Variants in COL28A1 observed in about 807,000 individuals in gnomAD.
The protein encoded by COL28A1 is collagen type XXVIII alpha 1 chain.
Under a neutral mutation model 150.2 loss-of-function variants are expected in COL28A1, and 161 were observed. That is an observed-to-expected ratio of 1.07 (90% CI 0.94 to 1.22). COL28A1 has a LOEUF of 1.22. Among genes scored for constraint, COL28A1 ranks in the 50% most tolerant of loss-of-function variants. COL28A1 has a pLI of 0.00. For synonymous variants in COL28A1, 552 were observed against 469.7 expected, an observed-to-expected ratio of 1.18 and a Z score of -2.26; for missense variants, 1,617 against 1,388.3, an observed-to-expected ratio of 1.16 and a Z score of -2.62.
the COL28A1 span, among the ~76,000 whole-genome samples, chr7:7,350,056 G>T: frequency 2.0e-5 from 3 of 152,192 alleles, no homozygotes; most frequent in South Asian, 6.2e-4. Flanking sequence ...TTATCTTAAA[G>T]AATATGGAGG....
At chr7:7,356,077 G>C (rs563747338), downstream of COL28A1, 1 of 151,994 alleles carries the variant, frequency 6.6e-6, no homozygotes, top group Non-Finnish European at 1.5e-5. Context: ...GTTTTTTAAA[G>C]CTCAAAAAAG....
chr7:7,449,658 G>C (rs1786530716), intron 18 of COL28A1, among the ~76,000 whole-genome samples: 1 of 151,604 alleles, frequency 6.6e-6, no homozygotes, highest in South Asian at 2.1e-4. Flanking sequence ...AGGGTGGCTG[G>C]ATACAAAATC....
chr7:7,414,146 T>A (rs563414566), intron 27 of COL28A1, among the ~76,000 whole-genome samples: 6 of 152,154 alleles, frequency 3.9e-5, no homozygotes, highest in African/African-American at 1.4e-4. Flanking sequence ...TCTGATCACA[T>A]CCCTCCTGGC....
At position 7,373,108 on chromosome 7, in the gene COL28A1, C is replaced by T. The variant is rs1161062670; in HGVS notation, c.2798G>A (p.Gly933Glu). ...SDTNVEIFVI[G>E]VVKKNDPNFE... ...GTTGGGATCATTTTTCTTCACCACC[C>T]CTATCACAAATATCTCCACATTGGT... Residue 933 changes from glycine to glutamate, a missense_variant, in exon 32 of 35, where the codon GGG becomes GAG. Transcript: ENST00000399429. The surrounding 1 kb of genome is among the most constrained non-coding windows in gnomAD (Gnocchi z 4.1). 1.9e-6 allele frequency: 3 copies of T among 1,614,126 alleles called. No individual in the cohort carries two copies. Among genetic ancestry groups the T allele is most frequent in the Non-Finnish European group, 2.5e-6 (3 of 1,179,978 alleles).
upstream of COL28A1, among the ~76,000 whole-genome samples, chr7:7,539,985 T>C (rs1782756851): frequency 6.6e-6 from 1 of 152,208 alleles, no homozygotes; most frequent in Non-Finnish European, 1.5e-5. Context: ...TATTAATCTC[T>C]TTCTCTAAAA....
rs1784298998 is a variant in COL28A1 at position 7,419,884 on chromosome 7, C to T, written c.2067+1G>A. 1 of 1,594,858 alleles carries T rather than the reference C, an allele frequency of 6.3e-7. No individual in the cohort carries two copies. Among genetic ancestry groups the T allele is most frequent in the South Asian group, 1.1e-5 (1 of 87,622 alleles). Reference sequence around the variant, plus strand: ...CACAAAGCACTGAGCTGAGGACTCACCTTTGGCCCTTGGGTTCCTACGCCC... The same window carrying T: ...CACAAAGCACTGAGCTGAGGACTCATCTTTGGCCCTTGGGTTCCTACGCCC... On this transcript the variant is annotated splice_donor_variant, in intron 26 of 34. Coordinates refer to ENST00000399429, the MANE Select transcript of COL28A1 (RefSeq NM_001037763.3). LOFTEE classifies it high-confidence loss of function.
At chr7:7,504,904 A>T (rs968982344) in intron 11 of COL28A1, among the ~76,000 whole-genome samples, 4 of 152,212 alleles carry the variant, frequency 2.6e-5, no homozygotes, top group African/African-American at 9.6e-5. Context: ...GGTCTGTCAA[A>T]ATATATATTT....
At chr7:7,351,252 CAGG>C (rs980785256), downstream of COL28A1, among the ~76,000 whole-genome samples, 7 of 152,116 alleles carry the variant, frequency 4.6e-5, no homozygotes, top group African/African-American at 1.7e-4. Context: ...GCCATGGAAA[CAGG>C]AGAAGCTGCA....
Position 7,400,981 on chromosome 7 carries a change from T to G in COL28A1, c.2136+16878A>C, listed in dbSNP as rs867998016. ...TAGGACGTGTGGGTATTTGGGTGTG[T>G]GTGTGTGTGTGTGTGTGTGTGTGTG... is the stretch of plus-strand genomic sequence containing the variant. On this transcript the variant is annotated intron_variant, in intron 27 of 34. Coordinates refer to ENST00000399429, the MANE Select transcript of COL28A1 (RefSeq NM_001037763.3). Among the ~76,000 whole-genome samples the G allele has an allele frequency of 1.6e-3, 186 of 114,268 alleles. 1 individual carries two copies. Among genetic ancestry groups the G allele is most frequent in the African/African-American group, 6.3e-3 (156 of 24,756 alleles). The allele number at this position is 114,268 out of a possible 152,430, so 75.0% of individuals were successfully genotyped here.
At chr7:7,483,015 C>A (rs368584398) in intron 13 of COL28A1, among the ~76,000 whole-genome samples, 7 of 152,288 alleles carry the variant, frequency 4.6e-5, no homozygotes, top group African/African-American at 1.7e-4. Context: ...AGAATTATAA[C>A]TGAGAGACTG....
chr7:7,405,516 T>A (rs1238325717), intron 27 of COL28A1, among the ~76,000 whole-genome samples: 1 of 152,192 alleles, frequency 6.6e-6, no homozygotes, highest in African/African-American at 2.4e-5. Context: ...TATTTTCTGC[T>A]TTGAAATTTA....
chr7:7,524,155 T>A, intron 4 of COL28A1, 74 bp downstream of exon 4: 1 of 850,152 alleles, frequency 1.2e-6, no homozygotes, highest in Admixed American at 1.8e-5. Context: ...AATCTTCTAA[T>A]GTGAATTATA....
chr7:7,486,651 AG>A (rs1228259549), intron 13 of COL28A1, among the ~76,000 whole-genome samples: 3 of 152,188 alleles, frequency 2.0e-5, no homozygotes, highest in Admixed American at 6.5e-5. Flanking sequence ...AGCGTTTATT[AG>A]GGTTTTGAGT....
intron 11 of COL28A1, among the ~76,000 whole-genome samples, chr7:7,501,495 A>G (rs1279512170): frequency 1.3e-5 from 2 of 152,118 alleles, no homozygotes; most frequent in African/African-American, 2.4e-5. Context: ...GTGGATTTGC[A>G]TGAGATTTGA....
chr7:7,419,853 C>A (rs372121695), intron 26 of COL28A1, 32 bp downstream of exon 26: 2 of 1,442,168 alleles, frequency 1.4e-6, no homozygotes, highest in African/African-American at 1.4e-5. Flanking sequence ...TGATATCTGA[C>A]CCTCACACAA....
At chr7:7,512,499 A>G (rs1266290295) in intron 8 of COL28A1, among the ~76,000 whole-genome samples, 3 of 152,110 alleles carry the variant, frequency 2.0e-5, no homozygotes, top group Non-Finnish European at 4.4e-5. Flanking sequence ...TGTCCATTAA[A>G]TTTTTTAAAT....
intron 11 of COL28A1, among the ~76,000 whole-genome samples, chr7:7,492,642 G>A (rs1328106563): frequency 1.4e-5 from 2 of 138,792 alleles, no homozygotes; most frequent in South Asian, 4.8e-4. Context: ...TTGCGAAAGA[G>A]AACCAGAAGG....
At position 7,379,758 on chromosome 7, in the gene COL28A1, T is replaced by C. The variant is rs868136940; in HGVS notation, c.2322+902A>G. Among the ~76,000 whole-genome samples the C allele has an allele frequency of 7.2e-4, 110 of 152,322 alleles. 2 individuals carry two copies. Among genetic ancestry groups the C allele is most frequent in the African/African-American group, 2.4e-3 (100 of 41,574 alleles). On this transcript the variant is annotated intron_variant, in intron 30 of 34. Coordinates refer to ENST00000399429, the MANE Select transcript of COL28A1 (RefSeq NM_001037763.3). ...CCTACAGGGAACGTTCCTCTGCTCA[T>C]TTACATACACTCTCCCCTGCTACTT...
intron 27 of COL28A1, among the ~76,000 whole-genome samples, chr7:7,390,144 T>A (rs1782448150): frequency 6.6e-6 from 1 of 152,222 alleles, no homozygotes; most frequent in South Asian, 2.1e-4. Context: ...TAAATAGCTC[T>A]TATTATTTTG....
Sources: allele counts gnomAD v4.1 joint callset (sites outside exome capture counted in the v4.1 genomes callset), GRCh38; gene constraint gnomAD v4.1.1; non-coding constraint Gnocchi (gnomAD v3.1); transcripts MANE v1.5; gene names NCBI Gene and HGNC (gene_info 2026-07-23, HGNC 2026-07-21).